SLC44A2: variants seen among roughly 807,000 people sequenced by gnomAD.
The protein encoded by SLC44A2 is choline transporter-like protein 2.
In SLC44A2, 57 loss-of-function variants were observed where a neutral mutation model predicts 90.8. That is an observed-to-expected ratio of 0.63 (90% confidence interval 0.51 to 0.78). The LOEUF is 0.78. Ranked by LOEUF, SLC44A2 falls within the 30% of genes least tolerant of loss-of-function variation. The pLI is 0.00. For synonymous variants in SLC44A2, 355 were observed against 360.7 expected, an observed-to-expected ratio of 0.98 and a Z score of 0.18; for missense variants, 794 against 919.7, an observed-to-expected ratio of 0.86 and a Z score of 1.77.
chr19:10,636,845 G>T (rs1368823223), intron 16 of SLC44A2, 89 bp downstream of exon 16: 5 of 1,351,638 alleles, frequency 3.7e-6, no homozygotes, highest in East Asian at 2.5e-5. Flanking sequence ...GAGGTGGGCG[G>T]GGCCAAGATA....
At chr19:10,639,354 G>A (rs546973654) in intron 20 of SLC44A2, among the ~76,000 whole-genome samples, 4 of 152,186 alleles carry the variant, frequency 2.6e-5, no homozygotes, top group Non-Finnish European at 5.9e-5. Context: ...ATTGGTGAAT[G>A]TATGATTGCA....
rs1426292079 is a variant in SLC44A2, at chr19:10,637,751, A to G, written c.1695+4A>G. On this transcript the variant is annotated splice_donor_region_variant and intron_variant, in intron 17 of 21. Transcript: ENST00000335757. ...TAATAGGAATGCCTACATCATGGTGAGTGGGCCTGGGACCCCCAACCAACC... is the reference window on the plus strand; with the variant it reads ...TAATAGGAATGCCTACATCATGGTGGGTGGGCCTGGGACCCCCAACCAACC... 4 of 1,613,358 alleles carry G rather than the reference A, an allele frequency of 2.5e-6. No individual in the cohort carries two copies. Among genetic ancestry groups the G allele is most frequent in the Non-Finnish European group, 3.4e-6 (4 of 1,179,510 alleles).
At chr19:10,632,347 A>C (rs1207324215) in intron 10 of SLC44A2, among the ~76,000 whole-genome samples, 191 bp downstream of exon 10, 11 of 151,674 alleles carry the variant, frequency 7.3e-5, no homozygotes, top group African/African-American at 2.7e-4. Context: ...GACCAGCCTG[A>C]CCAACATGGA....
At chr19:10,622,960 G>A (rs1360824033), upstream of SLC44A2, among the ~76,000 whole-genome samples, 4 of 152,154 alleles carry the variant, frequency 2.6e-5, no homozygotes, top group Non-Finnish European at 5.9e-5. Context: ...GTGTGTTGGG[G>A]GGAGACAGAT....
At chr19:10,615,538 C>T (rs1281572800) in intron 1 of SLC44A2, among the ~76,000 whole-genome samples, 2 of 151,436 alleles carry the variant, frequency 1.3e-5, no homozygotes, top group Non-Finnish European at 2.9e-5. Flanking sequence ...CACACCAGTG[C>T]GCTCCAGCCT....
intron 1 of SLC44A2, among the ~76,000 whole-genome samples, chr19:10,607,876 G>A (rs1428066374): frequency 1.3e-5 from 2 of 150,288 alleles, no homozygotes; most frequent in African/African-American, 4.9e-5. Context: ...CTCCCGAGTA[G>A]CTGGGACTAC....
In SLC44A2 at chr19:10,636,691, C is replaced by T. The variant is rs760459876; in HGVS notation, c.1526C>T (p.Ala509Val). 2 of 1,613,752 alleles carry T rather than the reference C, an allele frequency of 1.2e-6. No homozygotes were observed. Among genetic ancestry groups the T allele is most frequent in the East Asian group, 2.2e-5 (1 of 44,866 alleles). ...CACACAGGCTCCCTGGCCTTTGGCG[C>T]GCTCATCCTGGCCATTGTGCAGATC... is the stretch of plus-strand genomic sequence containing the variant. ...RYHTGSLAFG[A>V]LILAIVQIIR... The change falls in exon 16 of 22, where the codon GCG becomes GTG. Residue 509 changes from alanine to valine, a missense_variant. By Grantham distance (64) the Ala-to-Val change is moderately conservative. Coordinates refer to ENST00000335757, the MANE Select transcript of SLC44A2 (RefSeq NM_020428.4).
chr19:10,626,194 C>G (rs1333066207), intron 1 of SLC44A2, 59 bp from the exon 2 acceptor site: 1 of 1,393,552 alleles, frequency 7.2e-7, no homozygotes, highest in Non-Finnish European at 1.0e-6. Flanking sequence ...GGGGGCTCTC[C>G]CAGCCCTGTC....
intron 2 of SLC44A2, among the ~76,000 whole-genome samples, 162 bp downstream of exon 2, chr19:10,626,463 C>A (rs113371723): frequency 0.039 from 5,949 of 150,782 alleles, 283 homozygotes; most frequent in East Asian, 0.11. Context: ...GCTGGAGTGC[C>A]GTGGCGCGAT....
chr19:10,626,238 C>T lies in SLC44A2; in HGVS notation c.38-15C>T, dbSNP rs1264624962. On this transcript the variant is annotated splice_polypyrimidine_tract_variant and intron_variant, in intron 1 of 21. Transcript: ENST00000335757. ...GGTCTCCAATCCCATCCATCTTAAT[C>T]TTCTTGACTTTCAGGAACGCCACAG... 6.2e-7 allele frequency: 1 copy of T among 1,610,160 alleles called. No homozygotes were observed. The highest frequency in any genetic ancestry group is 8.5e-7 in the Non-Finnish European group (1 of 1,176,532).
Position 10,636,643 on chromosome 19 carries a change from C to CCACT in SLC44A2, c.1497-17_1497-14dup, listed in dbSNP as rs1454178128. The CCACT allele has an allele frequency of 1.9e-6, 3 of 1,610,228 alleles. No individual in the cohort carries two copies. In the African/African-American group the frequency reaches 4.0e-5, roughly 22 times the overall value. ...GGACGAGGCCTGGCCCAGCCACCGA[C>CCACT]CACTCCCTCGGCCCGCAGGTACCAC... On this transcript the variant is annotated intron_variant, in intron 15 of 21. Transcript: ENST00000335757.
Position 10,643,468 on chromosome 19 carries a change from T to G in SLC44A2, c.*83T>G. 1 of 1,477,644 alleles carries G rather than the reference T, an allele frequency of 6.8e-7. No individual in the cohort carries two copies. The highest frequency in any genetic ancestry group is 9.1e-7 in the Non-Finnish European group (1 of 1,094,992). 91.5% of individuals were successfully genotyped at this position (1,477,644 alleles called of 1,614,324 possible). A position where few individuals can be genotyped will look rare whatever the true frequency, so the allele number is the denominator to read the frequency against. ...GGTCTGTTCCCCCAGCCCCTTGGGC[T>G]CACCTGAAGTCCTATCACTGCCGCT... On this transcript the variant is annotated 3_prime_UTR_variant, in exon 22 of 22. Coordinates refer to ENST00000335757, the MANE Select transcript of SLC44A2 (RefSeq NM_020428.4).
chr19:10,608,369 CT>C (rs1192668475), intron 1 of SLC44A2, among the ~76,000 whole-genome samples: 1 of 151,928 alleles, frequency 6.6e-6, no homozygotes, highest in Non-Finnish European at 1.5e-5. Context: ...CCAGCACAAT[CT>C]TTTTTCACGG....
chr19:10,625,547 G>T, upstream of SLC44A2: 1 of 1,230,662 alleles, frequency 8.1e-7, no homozygotes, highest in Non-Finnish European at 1.0e-6. Context: ...CGCCAGTCGC[G>T]CGGTCAGTGC....
At chr19:10,604,936 C>T (rs560226349) in intron 1 of SLC44A2, among the ~76,000 whole-genome samples, 5 of 152,192 alleles carry the variant, frequency 3.3e-5, no homozygotes, top group East Asian at 1.9e-4. Flanking sequence ...CTCTGGGCCC[C>T]GGCGGATGTC....
At position 10,631,720 on chromosome 19, in the gene SLC44A2, A is replaced by T. The variant is rs1169756075; in HGVS notation, c.597A>T (p.Lys199Asn). 1.2e-6 allele frequency: 2 copies of T among 1,613,204 alleles called. No individual in the cohort carries two copies. The highest frequency in any genetic ancestry group is 2.2e-5 in the South Asian group (2 of 91,088). The change falls in exon 8 of 22, where the codon AAA becomes AAT. Residue 199 changes from lysine to asparagine, a missense_variant. By Grantham distance (94) the Lys-to-Asn change is moderately conservative. Coordinates refer to ENST00000335757, the MANE Select transcript of SLC44A2 (RefSeq NM_020428.4). ...TTYEDGHGSR[K>N]NITDLVEGAK... is the part of the protein sequence containing the mutation. ...ATGAGGATGGGCATGGCTCCCGGAA[A>T]AACATCACAGACCTGGTGGAGGGCG...
At chr19:10,640,804 G>A (rs1017679639) in intron 20 of SLC44A2, among the ~76,000 whole-genome samples, 1 of 152,142 alleles carries the variant, frequency 6.6e-6, no homozygotes, top group Non-Finnish European at 1.5e-5. Context: ...AGGCTCTAGA[G>A]GCCGGGCATG....
chr19:10,635,626 G>A, intron 14 of SLC44A2, 111 bp downstream of exon 14: 3 of 966,804 alleles, frequency 3.1e-6, no homozygotes, highest in African/African-American at 3.3e-5. Context: ...CCTGTTGCAT[G>A]TCCTGTGCTA....
chr19:10,618,171 A>AT lies in SLC44A2; in HGVS notation c.32-8061dup, dbSNP rs548727188. ...AGGCGCCTGCCACCATGCCTGGCTA[A>AT]TTTTTTTTTTTTTTTTTTTTTGAGA... is the stretch of plus-strand genomic sequence containing the variant. On this transcript the variant is annotated intron_variant, in intron 1 of 21. Transcript: ENST00000407327. Among the ~76,000 whole-genome samples the AT allele has an allele frequency of 1.9e-3, 216 of 112,832 alleles. No homozygotes were observed. The East Asian group carries it at 0.022, about 12-fold the overall frequency. The allele number at this position is 112,832 out of a possible 152,430, so 74.0% of individuals were successfully genotyped here.
Sources: gnomAD v4.1 joint callset for allele counts (sites outside exome capture counted in the v4.1 genomes callset) on GRCh38, gnomAD v4.1.1 for gene constraint, MANE v1.5 for transcripts, NCBI Gene and HGNC (gene_info 2026-07-23, HGNC 2026-07-21) for gene names.